Variants in SEZ6L observed in about 807,000 individuals in gnomAD.
The protein encoded by SEZ6L is seizure related 6 homolog like, also known as seizure 6-like protein.
Under a neutral mutation model 106.2 loss-of-function variants are expected in SEZ6L, and 37 were observed. The observed-to-expected ratio is 0.35, with a 90% confidence interval of 0.27 to 0.46. The LOEUF is 0.46. SEZ6L is among the 20% of genes least tolerant of loss of function. SEZ6L has a pLI of 1.00. For synonymous variants in SEZ6L, 541 were observed against 570.4 expected (o/e 0.95, Z 0.73); for missense variants, 1,172 against 1,332.8 (o/e 0.88, Z 1.88).
chr22:26,190,840 A>T (rs182865164), intron 1 of SEZ6L, among the ~76,000 whole-genome samples: 1 of 152,196 alleles, frequency 6.6e-6, no homozygotes, highest in Non-Finnish European at 1.5e-5. Flanking sequence ...CCATGTCTCA[A>T]TCAATATCTG....
At chr22:26,266,489 C>A (rs969265692) in intron 1 of SEZ6L, among the ~76,000 whole-genome samples, 3 of 151,448 alleles carry the variant, frequency 2.0e-5, no homozygotes, top group African/African-American at 7.3e-5. Context: ...AGGAGAATGG[C>A]GTGAACCCGG....
intron 12 of SEZ6L, among the ~76,000 whole-genome samples, chr22:26,361,131 T>C (rs957278783): frequency 6.6e-6 from 1 of 152,124 alleles, no homozygotes; most frequent in African/African-American, 2.4e-5. Flanking sequence ...TATAAGACTA[T>C]TATTATTTAG....
chr22:26,227,746 T>G (rs997339251), intron 1 of SEZ6L, among the ~76,000 whole-genome samples: 2 of 152,126 alleles, frequency 1.3e-5, no homozygotes, highest in Non-Finnish European at 2.9e-5. Flanking sequence ...TATGAGTGAT[T>G]GGGTCTGTCA....
intron 1 of SEZ6L, among the ~76,000 whole-genome samples, chr22:26,222,149 C>A (rs541643987): frequency 2.5e-4 from 38 of 152,114 alleles, no homozygotes; most frequent in South Asian, 1.5e-3. Context: ...AAATCAGAAA[C>A]TCTCGAGTTA....
At chr22:26,229,009 GT>G (rs1352050031) in intron 1 of SEZ6L, among the ~76,000 whole-genome samples, 1 of 152,150 alleles carries the variant, frequency 6.6e-6, no homozygotes, top group African/African-American at 2.4e-5. Flanking sequence ...TGTACTTTGT[GT>G]TTTTTTGAGA....
chr22:26,178,793 ACT>A (rs762716320), intron 1 of SEZ6L, among the ~76,000 whole-genome samples: 1 of 152,168 alleles, frequency 6.6e-6, no homozygotes, highest in Non-Finnish European at 1.5e-5. Context: ...AAGTCACTTA[ACT>A]CTGAGATGAT....
chr22:26,212,169 C>T lies in SEZ6L; in HGVS notation c.94+42406C>T, dbSNP rs558559862. 9.9e-5 allele frequency among the ~76,000 whole-genome samples: 15 copies of T among 152,156 alleles called. No homozygotes were observed. The East Asian group carries it at 2.3e-3, about 23-fold the overall frequency. ...AAGGAATTAGAAGCGGGTCAATGGGCGGAGATGAGACAGGGAAATGGGGAA... is the reference window on the plus strand; with the variant it reads ...AAGGAATTAGAAGCGGGTCAATGGGTGGAGATGAGACAGGGAAATGGGGAA... On this transcript the variant is annotated intron_variant, in intron 1 of 16. Coordinates refer to ENST00000248933, the MANE Select transcript of SEZ6L (RefSeq NM_021115.5).
In SEZ6L at chr22:26,305,941, G is replaced by A. The variant is rs199950359; in HGVS notation, c.1349-38G>A. On this transcript the variant is annotated intron_variant, in intron 5 of 16. Transcript: ENST00000248933. ...CTCTCTCCTCTCTCTCTCCCTCTCTGCTCTCTCCCATTGCCCACCCACCCC... is the reference window on the plus strand; with the variant it reads ...CTCTCTCCTCTCTCTCTCCCTCTCTACTCTCTCCCATTGCCCACCCACCCC... 7.3e-3 allele frequency: 11,001 copies of A among 1,496,832 alleles called. 69 individuals carry two copies. The highest frequency in any genetic ancestry group is 8.8e-3 in the South Asian group (777 of 88,406). The allele number at this position is 1,496,832 out of a possible 1,614,324, so 92.7% of individuals were successfully genotyped here.
At chr22:26,202,884 C>G (rs1466144294) in intron 1 of SEZ6L, among the ~76,000 whole-genome samples, 3 of 152,220 alleles carry the variant, frequency 2.0e-5, no homozygotes, top group Admixed American at 6.5e-5. Context: ...TACCTTAACA[C>G]TGGGCTGCAA....
intron 1 of SEZ6L, among the ~76,000 whole-genome samples, chr22:26,281,374 C>CTTTTT (rs769088373): frequency 1.8e-4 from 24 of 130,598 alleles, no homozygotes; most frequent in African/African-American, 4.4e-4. Context: ...TTCTTTCTTT[C>CTTTTT]TTTTTTTTTT....
In SEZ6L at chr22:26,313,912, T is replaced by C. The variant is rs1325240591; in HGVS notation, c.2015+10T>C. On this transcript the variant is annotated intron_variant, in intron 9 of 16. Transcript: ENST00000248933. Reference sequence around the variant, plus strand: ...TCTTAGATATCCAGTTGTGAGTGTTTAAAATGGGTGGCCCTCTAATTTGGC... The same window carrying C: ...TCTTAGATATCCAGTTGTGAGTGTTCAAAATGGGTGGCCCTCTAATTTGGC... 1 of 1,586,706 alleles carries C rather than the reference T, an allele frequency of 6.3e-7. No individual in the cohort carries two copies. The highest frequency in any genetic ancestry group is 1.3e-5 in the African/African-American group (1 of 74,552).
chr22:26,200,275 T>A (rs1940847039), intron 1 of SEZ6L, among the ~76,000 whole-genome samples: 1 of 151,752 alleles, frequency 6.6e-6, no homozygotes, highest in Admixed American at 6.6e-5. Context: ...TGTATGTGTA[T>A]GTGTGTGTAT....
chr22:26,356,099 A>G (rs2083428115), intron 12 of SEZ6L, among the ~76,000 whole-genome samples: 1 of 152,230 alleles, frequency 6.6e-6, no homozygotes, highest in Non-Finnish European at 1.5e-5. Context: ...CAGGCCTCCT[A>G]TATGCAGGCA....
intron 1 of SEZ6L, among the ~76,000 whole-genome samples, chr22:26,236,300 G>A (rs964650084): frequency 6.6e-6 from 1 of 152,188 alleles, no homozygotes; most frequent in Non-Finnish European, 1.5e-5. Flanking sequence ...CTGAACAGAG[G>A]GGGACCGACC....
At position 26,179,709 on chromosome 22, in the gene SEZ6L, G is replaced by A. The variant is rs115693563; in HGVS notation, c.94+9946G>A. Among the ~76,000 whole-genome samples, 1,154 of 152,182 alleles carry A rather than the reference G, an allele frequency of 7.6e-3. 13 individuals are homozygous for A. The highest frequency in any genetic ancestry group is 0.027 in the African/African-American group (1,102 of 41,500). ...AAATATTGAGCCAAGAACATTCCAG[G>A]ACTCTCTCCACTTCTCTCTTGCATG... is the stretch of plus-strand genomic sequence containing the variant. On this transcript the variant is annotated intron_variant, in intron 1 of 16. Transcript: ENST00000248933.
At position 26,340,455 on chromosome 22, in the gene SEZ6L, G is replaced by A; in HGVS notation, c.2035G>A (p.Asp679Asn). Residue 679 changes from aspartate (D) to asparagine (N), a missense_variant, in exon 10 of 17, where the codon GAC (aspartate) becomes AAC (asparagine). Asp to Asn is a conservative substitution (Grantham distance 23). Coordinates refer to ENST00000248933, the MANE Select transcript of SEZ6L (RefSeq NM_021115.5). The stretch of plus-strand genomic sequence containing the variant: ...TCCAAGCCTGAATCTGAGCAACAGT[G>A]ACATCTTGACCATCTACGATGGCGA... ...DIQFLNLSNS[D>N]ILTIYDGDEV... is the part of the protein sequence containing the mutation. 6.2e-7 allele frequency: 1 copy of A among 1,613,200 alleles called. No homozygotes were observed. The highest frequency in any genetic ancestry group is 8.5e-7 in the Non-Finnish European group (1 of 1,179,658).
At chr22:26,362,694 A>T (rs2083674619) in intron 12 of SEZ6L, among the ~76,000 whole-genome samples, 2 of 152,146 alleles carry the variant, frequency 1.3e-5, no homozygotes, top group Admixed American at 1.3e-4. Flanking sequence ...TGCCCGCCAG[A>T]GCTATCTATG....
chr22:26,179,114 G>C (rs1353584915), intron 1 of SEZ6L, among the ~76,000 whole-genome samples: 1 of 152,180 alleles, frequency 6.6e-6, no homozygotes, highest in Non-Finnish European at 1.5e-5. Flanking sequence ...TTGAGGCCAG[G>C]TGTGGAGACT....
At chr22:26,335,317 C>T (rs73158650) in intron 9 of SEZ6L, among the ~76,000 whole-genome samples, 19,156 of 152,084 alleles carry the variant, frequency 0.13, 1,340 homozygotes, top group Middle Eastern at 0.17. Context: ...GTGAAAGCTG[C>T]GTTTTCATAG....
Sources: allele counts gnomAD v4.1 joint callset (sites outside exome capture counted in the v4.1 genomes callset), GRCh38; gene constraint gnomAD v4.1.1; transcripts MANE v1.5; gene names NCBI Gene and HGNC (gene_info 2026-07-23, HGNC 2026-07-21).